The following OSR1 variants were observed in gnomAD, a reference collection of about 807,000 sequenced individuals.
The protein encoded by OSR1 is odd-skipped related transcription factor 1.
A neutral mutation model predicts 15.7 loss-of-function variants in OSR1; 3 were observed. The observed-to-expected ratio is 0.19, with a 90% confidence interval of 0.09 to 0.50. The LOEUF is 0.50. OSR1 is among the 20% of genes least tolerant of loss of function. The probability of loss-of-function intolerance (pLI) is 0.97; values close to 1 mark genes in which losing one functional copy is unlikely to be tolerated. For missense variants in OSR1, 271 were observed against 351.1 expected (o/e 0.77, Z 1.82); for synonymous variants, 166 against 152.7 (o/e 1.09, Z -0.64).
intron 1 of OSR1, 96 bp from the exon 2 acceptor site, chr2:19,353,933 C>T (rs537519448): frequency 5.0e-6 from 5 of 1,004,312 alleles, no homozygotes; most frequent in East Asian, 5.3e-5. Flanking sequence ...CACACCCTCT[C>T]CTCACACCCA....
rs147620182 is a variant in OSR1 at position 19,357,003 on chromosome 2, T to C, written c.-33+1338A>G. Reference sequence around the variant, plus strand: ...CAAGAAAATCAGCCTTGACATCGAATCTCCAACGAGTGGTGACAGGCGTCC... The same window carrying C: ...CAAGAAAATCAGCCTTGACATCGAACCTCCAACGAGTGGTGACAGGCGTCC... On this transcript the variant is annotated intron_variant, in intron 1 of 2. Coordinates refer to ENST00000272223, the MANE Select transcript of OSR1 (RefSeq NM_145260.3). The surrounding 1 kb of genome is among the most constrained non-coding windows in gnomAD (Gnocchi z 5.0). The C allele has an allele frequency of 2.0e-4, 31 of 152,240 alleles. No individual in the cohort carries two copies. Among genetic ancestry groups the C allele is most frequent in the African/African-American group, 6.5e-4 (27 of 41,530 alleles). 9.4% of individuals were successfully genotyped at this position (152,240 alleles called of 1,614,324 possible). A position where few individuals can be genotyped will look rare whatever the true frequency, so the allele number is the denominator to read the frequency against.
At chr2:19,347,914 C>A (rs1304766657), downstream of OSR1, among the ~76,000 whole-genome samples, 3 of 152,256 alleles carry the variant, frequency 2.0e-5, no homozygotes, top group African/African-American at 2.4e-5. Context: ...TGGATGCGCC[C>A]GCCGGGCCAG....
chr2:19,347,993 T>C (rs1247661001), downstream of OSR1, among the ~76,000 whole-genome samples: 1 of 152,240 alleles, frequency 6.6e-6, no homozygotes, highest in African/African-American at 2.4e-5. Context: ...CGCACCGCCG[T>C]CAGCTTCCGG....
At chr2:19,345,755 C>T in the OSR1 span, among the ~76,000 whole-genome samples, 1 of 152,146 alleles carries the variant, frequency 6.6e-6, no homozygotes, top group African/African-American at 2.4e-5. Context: ...ATGCTCTGGT[C>T]CTTGGCCTAC....
chr2:19,346,790 AC>A (rs758102827), downstream of OSR1: 1 of 152,264 alleles, frequency 6.6e-6, no homozygotes, highest in Non-Finnish European at 1.5e-5. Flanking sequence ...ATAAGAAAAC[AC>A]AAATCCACAA....
rs1572262269 is a variant in OSR1, at chr2:19,357,910, T to C, written c.-33+431A>G. 1 of 152,324 alleles carries C rather than the reference T, an allele frequency of 6.6e-6. No homozygotes were observed. Among genetic ancestry groups the C allele is most frequent in the Admixed American group, 6.5e-5 (1 of 15,292 alleles). 9.4% of individuals were successfully genotyped at this position (152,324 alleles called of 1,614,324 possible). ...TCCCTGGCGCGGTCGGCTGCGGCTGTGGCCATTCACTCCCTCTCCCTTCCT... is the reference window on the plus strand; with the variant it reads ...TCCCTGGCGCGGTCGGCTGCGGCTGCGGCCATTCACTCCCTCTCCCTTCCT... On this transcript the variant is annotated intron_variant, in intron 1 of 2. Transcript: ENST00000272223. The surrounding 1 kb of genome is among the most constrained non-coding windows in gnomAD (Gnocchi z 5.0).
chr2:19,349,750 C>T (rs1308927865), downstream of OSR1, among the ~76,000 whole-genome samples: 3 of 152,130 alleles, frequency 2.0e-5, no homozygotes, highest in Non-Finnish European at 4.4e-5. Flanking sequence ...TAGACAACCC[C>T]AAGGATAGCA....
In OSR1 at chr2:19,353,396, C is replaced by A. The variant is rs1664879630; in HGVS notation, c.410G>T (p.Gly137Val). The A allele has an allele frequency of 6.2e-7, 1 of 1,614,012 alleles. No individual in the cohort carries two copies. The highest frequency in any genetic ancestry group is 1.3e-5 in the African/African-American group (1 of 74,918). ...TQEDPAKLGR[G>V]EGPGSPAGGL... ...ACCTGCAGGGGAGCCTGGGCCCTCC[C>A]CGCGACCGAGCTTGGCCGGATCTTC... The change falls in exon 2 of 3, where the codon GGG becomes GTG. Residue 137 changes from glycine (G) to valine (V), a missense_variant. Physicochemically the swap from Gly to Val is moderately radical, Grantham distance 109. Coordinates refer to ENST00000272223, the MANE Select transcript of OSR1 (RefSeq NM_145260.3).
chr2:19,346,029 G>A, the OSR1 span, among the ~76,000 whole-genome samples: 1,307 of 152,238 alleles, frequency 8.6e-3, 25 homozygotes, highest in African/African-American at 0.03. Context: ...ATCATCTCAT[G>A]CAACTGTCTA....
rs530028849 is a variant in OSR1 at position 19,353,732 on chromosome 2, T to G, written c.74A>C (p.Gln25Pro). 4.2e-5 allele frequency: 68 copies of G among 1,613,998 alleles called. No homozygotes were observed. The Admixed American group carries it at 4.3e-4, about 10-fold the overall frequency. Residue 25 changes from glutamine (Q) to proline (P), a missense_variant, in exon 2 of 3, where the codon CAG becomes CCG. Gln to Pro is a moderately conservative substitution (Grantham distance 76). Coordinates refer to ENST00000272223, the MANE Select transcript of OSR1 (RefSeq NM_145260.3). ...CACTGTGGGCAGGCCGTTCACTGCC[T>G]GAAGGAAGGAGTAGTTGGTGAGCTG... is the stretch of plus-strand genomic sequence containing the variant. The part of the protein sequence containing the change: ...SLQLTNYSFL[Q>P]AVNGLPTVPS...
At position 19,358,434 on chromosome 2, in the gene OSR1, C is replaced by T. The variant is rs1018307338; in HGVS notation, c.-126G>A. 1.3e-5 allele frequency: 2 copies of T among 152,436 alleles called. No individual in the cohort carries two copies. Among genetic ancestry groups the T allele is most frequent in the Non-Finnish European group, 2.9e-5 (2 of 68,236 alleles). 9.4% of individuals were successfully genotyped at this position (152,436 alleles called of 1,614,324 possible). A position where few individuals can be genotyped will look rare whatever the true frequency, so the allele number is the denominator to read the frequency against. On this transcript the variant is annotated 5_prime_UTR_variant, in exon 1 of 3. Coordinates refer to ENST00000272223, the MANE Select transcript of OSR1 (RefSeq NM_145260.3). ...GGAGGCCCTGGAGCCCACAGGCGCC[C>T]CTGGAGCTCTAGTGTCCCGACTCCT...
At chr2:19,356,819 G>C (rs1664960050) in intron 1 of OSR1, 1 of 152,268 alleles carries the variant, frequency 6.6e-6, no homozygotes, top group South Asian at 2.1e-4. Context: ...GCCAATCCCA[G>C]GTCTGCGGCC....
chr2:19,349,179 C>A (rs776298185), downstream of OSR1, among the ~76,000 whole-genome samples: 1 of 152,212 alleles, frequency 6.6e-6, no homozygotes, highest in Non-Finnish European at 1.5e-5. Context: ...TTTTGTGCAA[C>A]CCACACTGAG....
At chr2:19,347,124 CTGTTA>C (rs950415712), downstream of OSR1, among the ~76,000 whole-genome samples, 1 of 152,178 alleles carries the variant, frequency 6.6e-6, no homozygotes, top group African/African-American at 2.4e-5. Context: ...CAGGATGCCT[CTGTTA>C]TAATAAAGAT....
the OSR1 span, among the ~76,000 whole-genome samples, chr2:19,345,052 A>G: frequency 1.3e-5 from 2 of 152,100 alleles, no homozygotes; most frequent in African/African-American, 4.8e-5. Context: ...TAATTTTTGT[A>G]TATATGTATA....
downstream of OSR1, among the ~76,000 whole-genome samples, chr2:19,350,954 G>A (rs1323022324): frequency 6.6e-6 from 1 of 152,148 alleles, no homozygotes; most frequent in Non-Finnish European, 1.5e-5. Flanking sequence ...TTCCGGGGAG[G>A]CAGCGGTCAT....
chr2:19,356,625 T>C (rs1664954859), intron 1 of OSR1: 1 of 152,270 alleles, frequency 6.6e-6, no homozygotes, highest in South Asian at 2.1e-4. Context: ...GCGAATACTT[T>C]CGATCTTTAA....
At position 19,353,221 on chromosome 2, in the gene OSR1, C is replaced by T. The variant is rs1203828982; in HGVS notation, c.585G>A (p.Arg195=). The change falls in exon 2 of 3, where the codon CGG becomes CGA. Residue 195 remains arginine, a synonymous_variant. Transcript: ENST00000272223. ...TGTAGGGCCGCTCGTCGGTGTGCGT[C>T]CGCTCATGGATAAGTAGGTTGTAGG... is the stretch of plus-strand genomic sequence containing the variant. ...TKSYNLLIHE[R]THTDERPYTC... 1 of 1,614,214 alleles carries T rather than the reference C, an allele frequency of 6.2e-7. No homozygotes were observed. The highest frequency in any genetic ancestry group is 8.5e-7 in the Non-Finnish European group (1 of 1,180,052).
chr2:19,355,107 G>A (rs1369771886), intron 1 of OSR1: 1 of 152,238 alleles, frequency 6.6e-6, no homozygotes, highest in African/African-American at 2.4e-5. Flanking sequence ...GAAAGAACAG[G>A]GTGAGCAAAG....
Sources: gnomAD v4.1 joint callset for allele counts (sites outside exome capture counted in the v4.1 genomes callset) on GRCh38, gnomAD v4.1.1 for gene constraint, Gnocchi (gnomAD v3.1) non-coding constraint, MANE v1.5 for transcripts, NCBI Gene and HGNC (gene_info 2026-07-23, HGNC 2026-07-21) for gene names.